PACS1: variants seen among roughly 807,000 people sequenced by gnomAD.
The protein encoded by PACS1 is phosphofurin acidic cluster sorting protein 1.
A neutral mutation model predicts 115.0 loss-of-function variants in PACS1; 24 were observed. The ratio of observed to expected loss-of-function variants is 0.21; its 90% CI spans 0.15 to 0.29. The LOEUF (loss-of-function observed/expected upper bound fraction) is 0.29, where lower values mean the gene tolerates loss of function less well. Among genes scored for constraint, PACS1 ranks in the 10% least tolerant of loss-of-function variants. The probability of loss-of-function intolerance (pLI) is 1.00; values close to 1 mark genes in which losing one functional copy is unlikely to be tolerated. For synonymous variants in PACS1, 453 were observed against 504.5 expected (o/e 0.90, Z 1.37); for missense variants, 838 against 1,251.2 (o/e 0.67, Z 4.98).
At chr11:66,124,810 G>A (rs771370021) in intron 1 of PACS1, among the ~76,000 whole-genome samples, 6 of 152,176 alleles carry the variant, frequency 3.9e-5, no homozygotes, top group Non-Finnish European at 8.8e-5. Context: ...GAAAACAAAA[G>A]TCTGGGGCAA....
chr11:66,130,577 G>A (rs1054012015), intron 1 of PACS1, among the ~76,000 whole-genome samples: 3 of 152,058 alleles, frequency 2.0e-5, no homozygotes, highest in Non-Finnish European at 2.9e-5. Context: ...GGTGTTTTCT[G>A]TAAATTTATA....
chr11:66,184,283 A>G (rs917010066), intron 1 of PACS1, among the ~76,000 whole-genome samples: 3 of 132,732 alleles, frequency 2.3e-5, no homozygotes, highest in Non-Finnish European at 4.7e-5. Context: ...ACTGCACTCC[A>G]GTCTGGGTGA....
At chr11:66,202,726 G>GGA (rs1554988658) in intron 2 of PACS1, among the ~76,000 whole-genome samples, 1,265 of 10,488 alleles carry the variant, frequency 0.12, 121 homozygotes, top group African/African-American at 0.21. Context: ...TCATCTCTAG[G>GGA]AAAAAAAAAA....
chr11:66,090,360 C>T (rs1390205701), intron 1 of PACS1, among the ~76,000 whole-genome samples: 3 of 147,384 alleles, frequency 2.0e-5, no homozygotes, highest in Non-Finnish European at 4.5e-5. Flanking sequence ...GCAGCCTGAA[C>T]CTCCCAGGCC....
In PACS1 at chr11:66,193,441, C is replaced by T. The variant is rs755746172; in HGVS notation, c.357-45C>T. On this transcript the variant is annotated intron_variant, in intron 1 of 23. Transcript: ENST00000320580. Reference sequence around the variant, plus strand: ...AACCAATTGTTCATCACTTTTCTCGCAAGTTCCTCGCATATGACAGCATCT... The same window carrying T: ...AACCAATTGTTCATCACTTTTCTCGTAAGTTCCTCGCATATGACAGCATCT... 2.9e-6 allele frequency: 4 copies of T among 1,362,026 alleles called. No homozygotes were observed. The South Asian group carries it at 3.5e-5, about 12-fold the overall frequency. 84.4% of individuals were successfully genotyped at this position (1,362,026 alleles called of 1,614,324 possible).
intron 1 of PACS1, among the ~76,000 whole-genome samples, chr11:66,157,017 T>C (rs1419480799): frequency 1.3e-5 from 2 of 152,198 alleles, no homozygotes. Context: ...GGAAGAATGT[T>C]CTGACCCCAA....
chr11:66,112,288 G>T (rs2134547324), intron 1 of PACS1, among the ~76,000 whole-genome samples: 2 of 152,208 alleles, frequency 1.3e-5, no homozygotes, highest in Non-Finnish European at 1.5e-5. Context: ...CGCCTAGTTT[G>T]CTGCATGCCT....
intron 11 of PACS1, among the ~76,000 whole-genome samples, chr11:66,229,770 C>T (rs1376069598): frequency 2.0e-5 from 3 of 151,810 alleles, no homozygotes; most frequent in African/African-American, 4.8e-5. Context: ...GGAGAAACCC[C>T]GTCTCTACTA....
At chr11:66,203,742 A>T (rs1037487461) in intron 2 of PACS1, among the ~76,000 whole-genome samples, 1 of 152,204 alleles carries the variant, frequency 6.6e-6, no homozygotes, top group Non-Finnish European at 1.5e-5. Flanking sequence ...TGCCAAGAAC[A>T]TACACTGGGG....
At chr11:66,108,797 A>G (rs1858117214) in intron 1 of PACS1, among the ~76,000 whole-genome samples, 2 of 151,820 alleles carry the variant, frequency 1.3e-5, no homozygotes, top group South Asian at 4.2e-4. Flanking sequence ...AAGAGAGAGA[A>G]AGAGAAAGAA....
intron 1 of PACS1, among the ~76,000 whole-genome samples, chr11:66,119,257 A>T (rs1858387553): frequency 6.6e-6 from 1 of 152,240 alleles, no homozygotes; most frequent in Admixed American, 6.5e-5. Flanking sequence ...ACATCAAAAG[A>T]GTAGTAATAT....
At chr11:66,085,571 A>G (rs888796201) in intron 1 of PACS1, among the ~76,000 whole-genome samples, 1 of 152,210 alleles carries the variant, frequency 6.6e-6, no homozygotes, top group African/African-American at 2.4e-5. Flanking sequence ...TAAGTATATT[A>G]TTCAACTTGT....
chr11:66,231,053 A>G (rs1855582290), intron 13 of PACS1, 113 bp downstream of exon 13: 2 of 1,317,592 alleles, frequency 1.5e-6, no homozygotes, highest in Non-Finnish European at 2.2e-6. Flanking sequence ...ATACTTGGAA[A>G]TGCTCTGAAC....
intron 10 of PACS1, among the ~76,000 whole-genome samples, chr11:66,223,877 T>G (rs1855412970): frequency 6.6e-6 from 1 of 152,138 alleles, no homozygotes; most frequent in Admixed American, 6.5e-5. Flanking sequence ...AGGGTTGTGG[T>G]GTCGGTATAG....
intron 11 of PACS1, chr11:66,230,307 T>G: frequency 5.7e-6 from 3 of 529,080 alleles, no homozygotes; most frequent in East Asian, 3.3e-5. Flanking sequence ...AGCAGGTCGT[T>G]TGTAACTGGA....
intron 1 of PACS1, among the ~76,000 whole-genome samples, chr11:66,073,772 T>C (rs1299300722): frequency 6.6e-6 from 1 of 152,092 alleles, no homozygotes; most frequent in Non-Finnish European, 1.5e-5. Context: ...TTTTTTTCTT[T>C]AGATGGAGTC....
chr11:66,116,969 A>G (rs1590755190), intron 1 of PACS1, among the ~76,000 whole-genome samples: 1 of 152,098 alleles, frequency 6.6e-6, no homozygotes, highest in East Asian at 1.9e-4. Flanking sequence ...AGGGCAGTAT[A>G]TAGTGAATTC....
At position 66,216,706 on chromosome 11, in the gene PACS1, C is replaced by T. The variant is rs141541494; in HGVS notation, c.909C>T (p.Tyr303=). The T allele has an allele frequency of 2.9e-5, 47 of 1,613,744 alleles. No individual in the cohort carries two copies. The African/African-American group carries it at 5.3e-4, about 18-fold the overall frequency. ...CTGTACCCACTTAGGACTTGTTCTA[C>T]GAAGACGAAGATCTCCGGAAAGTGA... ...DDPLHGQDLF[Y]EDEDLRKVKK... The change falls in exon 7 of 24, where the codon TAC becomes TAT. Residue 303 remains tyrosine, a synonymous_variant. Transcript: ENST00000320580.
intron 1 of PACS1, among the ~76,000 whole-genome samples, chr11:66,079,950 T>G (rs1469888951): frequency 6.6e-6 from 1 of 152,220 alleles, no homozygotes; most frequent in Admixed American, 6.5e-5. Flanking sequence ...GATCCTTGGA[T>G]CGCTGAGACT....
Sources: gnomAD v4.1 joint callset for allele counts (sites outside exome capture counted in the v4.1 genomes callset) on GRCh38, gnomAD v4.1.1 for gene constraint, MANE v1.5 for transcripts, NCBI Gene and HGNC (gene_info 2026-07-23, HGNC 2026-07-21) for gene names.